MEF2C: variants seen among roughly 807,000 people sequenced by gnomAD.
The protein encoded by MEF2C is myocyte-specific enhancer factor 2C.
Under a neutral mutation model 50.5 loss-of-function variants are expected in MEF2C, and 6 were observed. The ratio of observed to expected loss-of-function variants is 0.12; its 90% CI spans 0.07 to 0.23. The LOEUF is 0.23. Among genes scored for constraint, MEF2C ranks in the 10% least tolerant of loss-of-function variants. The pLI, the probability that MEF2C is intolerant of heterozygous loss-of-function variation, is 1.00. For missense variants in MEF2C, 276 were observed against 605.0 expected, an observed-to-expected ratio of 0.46 and a Z score of 5.70; for synonymous variants, 183 against 228.0, an observed-to-expected ratio of 0.80 and a Z score of 1.78.
intron 2 of MEF2C, among the ~76,000 whole-genome samples, chr5:88,813,968 A>G (rs781554888): frequency 6.6e-6 from 1 of 152,024 alleles, no homozygotes; most frequent in Non-Finnish European, 1.5e-5. Context: ...CCCCACCTAG[A>G]TAATCTCTCA....
rs1755721126 is a variant in MEF2C, at chr5:88,719,922, T to C, written c.*2682A>G. 6.6e-6 allele frequency: 1 copy of C among 152,224 alleles called. No individual in the cohort carries two copies. The highest frequency in any genetic ancestry group is 2.1e-4 in the South Asian group (1 of 4,836). The allele number at this position is 152,224 out of a possible 1,614,324, so 9.4% of individuals were successfully genotyped here. A position where few individuals can be genotyped will look rare whatever the true frequency, so the allele number is the denominator to read the frequency against. On this transcript the variant is annotated 3_prime_UTR_variant, in exon 11 of 11. Coordinates refer to ENST00000504921, the MANE Select transcript of MEF2C (RefSeq NM_002397.5). ...AACTGCTATAAATAGCCAAGGCTTC[T>C]GCTGGTACTTTAGCTTACTTTATCT...
At chr5:88,845,035 T>C (rs1006102807) in intron 1 of MEF2C, among the ~76,000 whole-genome samples, 1 of 152,224 alleles carries the variant, frequency 6.6e-6, no homozygotes, top group Admixed American at 6.5e-5. Flanking sequence ...CATTTAAAAT[T>C]ACCCATTGAT....
At chr5:88,831,471 T>C (rs1167814284) in intron 1 of MEF2C, among the ~76,000 whole-genome samples, 1 of 151,838 alleles carries the variant, frequency 6.6e-6, no homozygotes, top group African/African-American at 2.4e-5. Flanking sequence ...TCTTTCATTA[T>C]TTATTTTCCA....
intron 3 of MEF2C, among the ~76,000 whole-genome samples, chr5:88,783,090 C>A (rs1232622467): frequency 6.6e-6 from 1 of 152,024 alleles, no homozygotes; most frequent in Non-Finnish European, 1.5e-5. Flanking sequence ...CTTGTTTGAG[C>A]CTAAAAAGGA....
chr5:88,844,562 C>A (rs1164296287), intron 1 of MEF2C: 4 of 570,522 alleles, frequency 7.0e-6, no homozygotes, highest in Non-Finnish European at 8.9e-6. Flanking sequence ...TTTTTGTTAC[C>A]ACTCTTTGAA....
intron 2 of MEF2C, among the ~76,000 whole-genome samples, chr5:88,812,864 G>T (rs1421486679): frequency 6.6e-6 from 1 of 151,974 alleles, no homozygotes; most frequent in Admixed American, 6.6e-5. Flanking sequence ...GGATTTTAGG[G>T]GCTGAAGTTC....
chr5:88,762,029 T>C (rs1778099693), intron 3 of MEF2C: 1 of 152,172 alleles, frequency 6.6e-6, no homozygotes, highest in South Asian at 2.1e-4. Flanking sequence ...CTGAGCTGAG[T>C]AAGGAAGACG....
chr5:88,875,490 T>C (rs564715365), intron 1 of MEF2C, among the ~76,000 whole-genome samples: 8 of 151,928 alleles, frequency 5.3e-5, no homozygotes, highest in Non-Finnish European at 1.2e-4. Flanking sequence ...ACCATTATAT[T>C]TTTCTTTTCG....
chr5:88,764,807 C>CAAAAA (rs869119169), intron 3 of MEF2C, among the ~76,000 whole-genome samples: 15 of 73,762 alleles, frequency 2.0e-4, no homozygotes, highest in Admixed American at 7.1e-4. Context: ...GACTCCATCT[C>CAAAAA]AAAAAAAAAA....
chr5:88,858,090 T>G (rs1824123535), intron 1 of MEF2C, among the ~76,000 whole-genome samples: 1 of 152,246 alleles, frequency 6.6e-6, no homozygotes, highest in Admixed American at 6.5e-5. Context: ...TAATTTAATT[T>G]TGACAAATTG....
chr5:88,745,079 G>T (rs1196037595), intron 6 of MEF2C, among the ~76,000 whole-genome samples: 1 of 152,174 alleles, frequency 6.6e-6, no homozygotes, highest in African/African-American at 2.4e-5. Context: ...TATTTGAAAT[G>T]TTCCTTCTGG....
intron 1 of MEF2C, among the ~76,000 whole-genome samples, chr5:88,867,122 T>C (rs1827657647): frequency 6.6e-6 from 1 of 152,240 alleles, no homozygotes; most frequent in Non-Finnish European, 1.5e-5. Flanking sequence ...ATATATGTTT[T>C]TCTCACTTCA....
chr5:88,780,151 A>T, intron 3 of MEF2C, among the ~76,000 whole-genome samples: 1 of 152,124 alleles, frequency 6.6e-6, no homozygotes, highest in East Asian at 1.9e-4. Context: ...CATCTCGAAA[A>T]AAAAAAGAAA....
At chr5:88,771,071 C>T (rs1036403420) in intron 3 of MEF2C, among the ~76,000 whole-genome samples, 6 of 152,206 alleles carry the variant, frequency 3.9e-5, no homozygotes, top group Non-Finnish European at 8.8e-5. Context: ...CGGGGGAACC[C>T]CCATTTATAA....
intron 4 of MEF2C, among the ~76,000 whole-genome samples, chr5:88,759,474 C>A (rs1200001027): frequency 6.6e-6 from 1 of 152,062 alleles, no homozygotes; most frequent in African/African-American, 2.4e-5. Context: ...AAGAGTGAAA[C>A]TCCGTCTCAA....
rs569027931 is a variant in MEF2C at position 88,722,055 on chromosome 5, C to A, written c.*549G>T. On this transcript the variant is annotated 3_prime_UTR_variant, in exon 11 of 11. Coordinates refer to ENST00000504921, the MANE Select transcript of MEF2C (RefSeq NM_002397.5). ...GGTCCTCTTTTAATGGTCTCTGATC[C>A]TTTTTAATGAGTGCCATACGCCAAT... 2 of 152,410 alleles carry A rather than the reference C, an allele frequency of 1.3e-5. No homozygotes were observed. The highest frequency in any genetic ancestry group is 4.8e-5 in the African/African-American group (2 of 41,396). 9.4% of individuals were successfully genotyped at this position (152,410 alleles called of 1,614,324 possible).
chr5:88,739,903 T>A, intron 6 of MEF2C: 1 of 985,236 alleles, frequency 1.0e-6, no homozygotes, highest in Non-Finnish European at 1.2e-6. Context: ...GACTCCTAAT[T>A]AGGGATTCTT....
At chr5:88,837,209 T>G (rs1815503870) in intron 1 of MEF2C, among the ~76,000 whole-genome samples, 1 of 152,084 alleles carries the variant, frequency 6.6e-6, no homozygotes, top group Admixed American at 6.6e-5. Context: ...TACACTGCAG[T>G]GCTGAAATAC....
Position 88,741,336 on chromosome 5 carries a change from A to G in MEF2C, c.637+7734T>C, listed in dbSNP as rs137959397. The G allele has an allele frequency of 6.3e-5, 62 of 984,440 alleles. 1 individual carries two copies. The African/African-American group carries it at 9.4e-4, about 15-fold the overall frequency. 61.0% of individuals were successfully genotyped at this position (984,440 alleles called of 1,614,324 possible). ...GAAACTGTGCTAGACCCCTTGCATC[A>G]GTTATCTCATTTAATTTTTACAACA... On this transcript the variant is annotated intron_variant, in intron 6 of 10. Coordinates refer to ENST00000504921, the MANE Select transcript of MEF2C (RefSeq NM_002397.5).
Sources: gnomAD v4.1 joint callset for allele counts (sites outside exome capture counted in the v4.1 genomes callset) on GRCh38, gnomAD v4.1.1 for gene constraint, MANE v1.5 for transcripts, NCBI Gene and HGNC (gene_info 2026-07-23, HGNC 2026-07-21) for gene names.